Variants in GRAMD2B observed in about 807,000 individuals in gnomAD.
GRAMD2B encodes the protein GRAM domain containing 2B.
Under a neutral mutation model 59.2 loss-of-function variants are expected in GRAMD2B, and 41 were observed. That is an observed-to-expected ratio of 0.69 (90% CI 0.54 to 0.90). The LOEUF is 0.90. Ranked by LOEUF, GRAMD2B falls within the 40% of genes least tolerant of loss-of-function variation. The pLI is 0.00. For synonymous variants in GRAMD2B, 161 were observed against 182.7 expected (o/e 0.88, Z 0.96); for missense variants, 424 against 500.5 (o/e 0.85, Z 1.46).
At chr5:126,441,268 C>T (rs1159281434) in intron 1 of GRAMD2B, among the ~76,000 whole-genome samples, 1 of 152,154 alleles carries the variant, frequency 6.6e-6, no homozygotes, top group African/African-American at 2.4e-5. Context: ...AGCATGAAGA[C>T]AACTTTGTAA....
intron 1 of GRAMD2B, among the ~76,000 whole-genome samples, chr5:126,399,866 C>A (rs1757677719): frequency 6.6e-6 from 1 of 151,956 alleles, no homozygotes; most frequent in Admixed American, 6.6e-5. Context: ...GTCTTTAAAT[C>A]TAAAGTGAAT....
At chr5:126,412,887 A>T (rs901806876) in intron 1 of GRAMD2B, among the ~76,000 whole-genome samples, 1 of 152,056 alleles carries the variant, frequency 6.6e-6, no homozygotes, top group African/African-American at 2.4e-5. Flanking sequence ...AGTTTAGTTT[A>T]TATGTATGGA....
rs563618124 is a variant in GRAMD2B at position 126,459,657 on chromosome 5, CTG to C, written c.84-5767_84-5766del. Among the ~76,000 whole-genome samples the C allele has an allele frequency of 1.2e-3, 184 of 152,232 alleles. 1 individual carries two copies. Among genetic ancestry groups the C allele is most frequent in the African/African-American group, 4.1e-3 (170 of 41,534 alleles). ...TCTTAAGAAGAAAATGCAAATGAAA[CTG>C]TAGTGGAATATTTTTTAACCTTTTA... On this transcript the variant is annotated intron_variant, in intron 1 of 13. Transcript: ENST00000285689.
intron 1 of GRAMD2B, among the ~76,000 whole-genome samples, chr5:126,438,577 G>T (rs181088773): frequency 7.9e-5 from 12 of 152,266 alleles, no homozygotes; most frequent in African/African-American, 2.9e-4. Context: ...TTCATCAGGG[G>T]CTTGAGGAAC....
At chr5:126,486,587 G>A (rs1252825276) in intron 11 of GRAMD2B, among the ~76,000 whole-genome samples, 2 of 152,158 alleles carry the variant, frequency 1.3e-5, no homozygotes, top group Non-Finnish European at 2.9e-5. Context: ...CAGGGAGGAG[G>A]AACACTGGCT....
chr5:126,417,261 C>T (rs1356605254), intron 1 of GRAMD2B, among the ~76,000 whole-genome samples: 1 of 152,210 alleles, frequency 6.6e-6, no homozygotes, highest in Non-Finnish European at 1.5e-5. Context: ...CTCCAACTGT[C>T]TCATAGGAAG....
chr5:126,387,600 A>G (rs1007423712), intron 1 of GRAMD2B, among the ~76,000 whole-genome samples: 17 of 151,764 alleles, frequency 1.1e-4, no homozygotes, highest in African/African-American at 4.1e-4. Flanking sequence ...CCAAATTCAT[A>G]TGCTGAGAGT....
upstream of GRAMD2B, among the ~76,000 whole-genome samples, chr5:126,419,820 G>T (rs1278066570): frequency 6.6e-6 from 1 of 152,078 alleles, no homozygotes; most frequent in Non-Finnish European, 1.5e-5. Context: ...ACTTTGGGAG[G>T]CCAAGGTGGG....
Position 126,477,693 on chromosome 5 carries a change from T to A in GRAMD2B, c.488T>A (p.Ile163Asn). The change falls in exon 6 of 14, where the codon ATC becomes AAC. Residue 163 changes from isoleucine (I) to asparagine (N), a missense_variant and splice_region_variant. Coordinates refer to ENST00000285689, the MANE Select transcript of GRAMD2B (RefSeq NM_023927.4). ...HSKVFGKDTKISIPAFSVTLI... is the reference protein window; with the variant it reads ...HSKVFGKDTKNSIPAFSVTLI... Reference sequence around the variant, plus strand: ...ATTAACTTGCTGATTCTGTTTCAGATCTCTATTCCAGCTTTCTCGGTAACC... The same window carrying A: ...ATTAACTTGCTGATTCTGTTTCAGAACTCTATTCCAGCTTTCTCGGTAACC... 6.4e-7 allele frequency: 1 copy of A among 1,574,222 alleles called. No individual in the cohort carries two copies. The highest frequency in any genetic ancestry group is 8.7e-7 in the Non-Finnish European group (1 of 1,143,790).
In GRAMD2B at chr5:126,423,428, T is replaced by A. The variant is rs1031551147; in HGVS notation, c.-179T>A. On this transcript the variant is annotated 5_prime_UTR_variant, in exon 1 of 14. Transcript: ENST00000285689. Reference sequence around the variant, plus strand: ...CGGACCAATCGCGCCCGCTCCGACGTGTCCAGGTCCGCGGCCCCGGGAGCT... The same window carrying A: ...CGGACCAATCGCGCCCGCTCCGACGAGTCCAGGTCCGCGGCCCCGGGAGCT... 18 of 1,389,128 alleles carry A rather than the reference T, an allele frequency of 1.3e-5. No homozygotes were observed. Among genetic ancestry groups the A allele is most frequent in the Middle Eastern group, 2.7e-4 (1 of 3,760 alleles). 86.1% of individuals were successfully genotyped at this position (1,389,128 alleles called of 1,614,324 possible).
At chr5:126,472,412 A>G in intron 4 of GRAMD2B, 108 bp downstream of exon 4, 1 of 775,692 alleles carries the variant, frequency 1.3e-6, no homozygotes, top group Admixed American at 2.3e-5. Context: ...CAAGGGGATC[A>G]GGTTTCTGAA....
At chr5:126,393,139 T>C (rs1328538463) in intron 1 of GRAMD2B, among the ~76,000 whole-genome samples, 3 of 152,162 alleles carry the variant, frequency 2.0e-5, no homozygotes, top group Admixed American at 2.0e-4. Context: ...CCCCTTCCTC[T>C]GTTTCCCTTC....
At chr5:126,399,351 C>A (rs1377049990) in intron 1 of GRAMD2B, among the ~76,000 whole-genome samples, 3 of 152,106 alleles carry the variant, frequency 2.0e-5, no homozygotes, top group Non-Finnish European at 4.4e-5. Context: ...TTGTAATCCC[C>A]ACATGTCGAG....
chr5:126,490,593 A>T (rs73785325), intron 13 of GRAMD2B, among the ~76,000 whole-genome samples: 1,711 of 152,310 alleles, frequency 0.011, 45 homozygotes, highest in African/African-American at 0.039. Flanking sequence ...AGTTGCACAC[A>T]TTGCTCAAAA....
Position 126,484,651 on chromosome 5 carries a change from T to C in GRAMD2B, c.970+127T>C, listed in dbSNP as rs138138209. On this transcript the variant is annotated intron_variant, in intron 10 of 13. Transcript: ENST00000285689. ...GCTGCTGTAGTGCAATAACATGATCTTGGCTCACTGCAACCTCTGCCTCTT... is the reference window on the plus strand; with the variant it reads ...GCTGCTGTAGTGCAATAACATGATCCTGGCTCACTGCAACCTCTGCCTCTT... 1.6e-3 allele frequency: 1,401 copies of C among 900,120 alleles called. 17 individuals carry two copies. In the African/African-American group the frequency reaches 0.022, roughly 14 times the overall value. The allele number at this position is 900,120 out of a possible 1,614,324, so 55.8% of individuals were successfully genotyped here. A position where few individuals can be genotyped will look rare whatever the true frequency, so the allele number is the denominator to read the frequency against.
intron 1 of GRAMD2B, among the ~76,000 whole-genome samples, chr5:126,426,378 C>T (rs1433468257): frequency 1.3e-5 from 2 of 152,116 alleles, no homozygotes; most frequent in South Asian, 2.1e-4. Flanking sequence ...ACTGGCCATA[C>T]TCATCTCTTC....
chr5:126,406,284 A>C (rs1758260250), intron 1 of GRAMD2B, among the ~76,000 whole-genome samples: 1 of 151,980 alleles, frequency 6.6e-6, no homozygotes, highest in South Asian at 2.1e-4. Flanking sequence ...GCAGCACACC[A>C]ACATGGCACA....
In GRAMD2B at chr5:126,376,803, G is replaced by A. The variant is rs116169400; in HGVS notation, c.125+5236G>A. On this transcript the variant is annotated intron_variant, in intron 1 of 8. Transcript: ENST00000506445. ...CATTAGTTTTCTGGGTGTGGAGCAG[G>A]TATTTCAGCAAATGGGCAAGGTCAG... is the stretch of plus-strand genomic sequence containing the variant. Among the ~76,000 whole-genome samples, 370 of 152,240 alleles carry A rather than the reference G, an allele frequency of 2.4e-3. 4 individuals carry two copies. The highest frequency in any genetic ancestry group is 8.3e-3 in the African/African-American group (346 of 41,546).
chr5:126,394,094 G>A (rs565971722), intron 1 of GRAMD2B, among the ~76,000 whole-genome samples: 41 of 151,828 alleles, frequency 2.7e-4, no homozygotes, highest in African/African-American at 9.6e-4. Flanking sequence ...CCAACACGGT[G>A]AAACCCTGTC....
Sources: allele counts gnomAD v4.1 joint callset (sites outside exome capture counted in the v4.1 genomes callset), GRCh38; gene constraint gnomAD v4.1.1; transcripts MANE v1.5; gene names NCBI Gene and HGNC (gene_info 2026-07-23, HGNC 2026-07-21).